The following RANBP17 variants were observed in gnomAD, a reference collection of about 807,000 sequenced individuals.
RANBP17 encodes the protein ran-binding protein 17.
In RANBP17, 158 loss-of-function variants were observed where a neutral mutation model predicts 141.2. That is an observed-to-expected ratio of 1.12 (90% CI 0.98 to 1.28). The LOEUF is 1.28. Ranked by LOEUF, RANBP17 falls within the 50% of genes most tolerant of loss-of-function variation. The pLI, the probability that RANBP17 is intolerant of heterozygous loss-of-function variation, is 0.00. For missense variants in RANBP17, 1,438 were observed against 1,290.7 expected (o/e 1.11, Z -1.75); for synonymous variants, 430 against 450.0 (o/e 0.96, Z 0.56).
chr5:171,194,688 T>G (rs1344623848), intron 18 of RANBP17, among the ~76,000 whole-genome samples: 2 of 152,226 alleles, frequency 1.3e-5, no homozygotes, highest in Non-Finnish European at 2.9e-5. Context: ...ACTTTTTGTG[T>G]GGACAAATAT....
intron 14 of RANBP17, among the ~76,000 whole-genome samples, chr5:171,022,773 G>A (rs1780961165): frequency 6.6e-6 from 1 of 152,198 alleles, no homozygotes; most frequent in African/African-American, 2.4e-5. Flanking sequence ...GAGCTCAAAT[G>A]GCTTAGACAG....
chr5:170,953,812 G>T, intron 13 of RANBP17, 110 bp downstream of exon 13: 1 of 685,564 alleles, frequency 1.5e-6, no homozygotes. Context: ...TTTGAGGAAG[G>T]TATTATTTCC....
chr5:171,221,425 T>C (rs535514137), intron 21 of RANBP17, among the ~76,000 whole-genome samples: 5 of 152,294 alleles, frequency 3.3e-5, no homozygotes, highest in Admixed American at 2.0e-4. Context: ...CTTAGACACC[T>C]GGGGTGTTTT....
intron 12 of RANBP17, among the ~76,000 whole-genome samples, chr5:170,934,809 C>G (rs535339244): frequency 6.6e-6 from 1 of 152,100 alleles, no homozygotes; most frequent in African/African-American, 2.4e-5. Context: ...CAAGGAGTAT[C>G]TTTGTGGCAT....
chr5:171,062,072 T>C (rs1444928661), intron 14 of RANBP17, among the ~76,000 whole-genome samples: 1 of 151,650 alleles, frequency 6.6e-6, no homozygotes, highest in African/African-American at 2.4e-5. Flanking sequence ...TGAGATGGGT[T>C]TCCTGAATAC....
intron 25 of RANBP17, among the ~76,000 whole-genome samples, chr5:171,271,894 T>C (rs1035014982): frequency 1.3e-5 from 2 of 152,130 alleles, no homozygotes; most frequent in African/African-American, 4.8e-5. Flanking sequence ...AAAAATAATA[T>C]TGGCAAAATG....
intron 22 of RANBP17, among the ~76,000 whole-genome samples, chr5:171,227,248 A>G (rs1763935747): frequency 6.6e-6 from 1 of 152,256 alleles, no homozygotes; most frequent in East Asian, 1.9e-4. Context: ...AATGCAAAGG[A>G]AAAGCTCTTG....
chr5:171,154,229 C>G (rs750571984), intron 14 of RANBP17, among the ~76,000 whole-genome samples: 30 of 151,844 alleles, frequency 2.0e-4, no homozygotes, highest in Non-Finnish European at 3.1e-4. Context: ...CCAAGAACTA[C>G]CTGCTATTTC....
intron 2 of RANBP17, among the ~76,000 whole-genome samples, chr5:170,881,486 C>A (rs913226352): frequency 1.3e-5 from 2 of 152,106 alleles, no homozygotes; most frequent in African/African-American, 4.8e-5. Flanking sequence ...AATCAGAGGC[C>A]AGATGATGTA....
chr5:170,961,590 T>C (rs1776151515), intron 13 of RANBP17, among the ~76,000 whole-genome samples: 1 of 152,134 alleles, frequency 6.6e-6, no homozygotes, highest in African/African-American at 2.4e-5. Flanking sequence ...ATCTCAAAGG[T>C]CATGCTTAAA....
At chr5:171,039,525 G>C (rs1027565272) in intron 14 of RANBP17, among the ~76,000 whole-genome samples, 1 of 151,642 alleles carries the variant, frequency 6.6e-6, no homozygotes, top group Admixed American at 6.6e-5. Flanking sequence ...TTTCCTCCCG[G>C]TTTATAGATT....
At chr5:171,109,640 C>A (rs1162813898) in intron 14 of RANBP17, among the ~76,000 whole-genome samples, 2 of 152,094 alleles carry the variant, frequency 1.3e-5, no homozygotes, top group Non-Finnish European at 2.9e-5. Context: ...TTTATAATAA[C>A]TAATACAATG....
intron 14 of RANBP17, among the ~76,000 whole-genome samples, chr5:171,105,194 A>G (rs1406209809): frequency 6.7e-6 from 1 of 150,222 alleles, no homozygotes; most frequent in African/African-American, 2.5e-5. Context: ...CATCCCGGCT[A>G]AAACGGTGAA....
intron 25 of RANBP17, 91 bp downstream of exon 25, chr5:171,265,938 C>A (rs1275263961): frequency 1.7e-6 from 2 of 1,167,524 alleles, no homozygotes; most frequent in Non-Finnish European, 2.4e-6. Flanking sequence ...CTGGTCTTGC[C>A]AAGACTTTTT....
Position 171,241,150 on chromosome 5 carries a change from A to C in RANBP17, c.2637+8A>C. ...TCCCACAGTGACTTGCTAGTAAGCA[A>C]TCATGCATCATGGGAGTGTTTGTAT... On this transcript the variant is annotated splice_region_variant and intron_variant, in intron 23 of 27. Transcript: ENST00000523189. 6.3e-7 allele frequency: 1 copy of C among 1,598,256 alleles called. No homozygotes were observed. Among genetic ancestry groups the C allele is most frequent in the African/African-American group, 1.3e-5 (1 of 74,654 alleles).
chr5:171,148,399 TA>T (rs973506616), intron 14 of RANBP17, among the ~76,000 whole-genome samples: 71 of 151,298 alleles, frequency 4.7e-4, no homozygotes, highest in South Asian at 1.7e-3. Context: ...AAAATAAATT[TA>T]AAAAAAAAAT....
In RANBP17 at chr5:171,299,273, G is replaced by A; in HGVS notation, c.*415G>A. 1 of 242,030 alleles carries A rather than the reference G, an allele frequency of 4.1e-6. No individual in the cohort carries two copies. The highest frequency in any genetic ancestry group is 8.1e-6 in the Non-Finnish European group (1 of 123,070). The allele number at this position is 242,030 out of a possible 1,614,324, so 15.0% of individuals were successfully genotyped here. ...TCCTGGATTGAGACGAATGCCATTG[G>A]AACCTGTTAAATGAGTAGTTTGTTA... On this transcript the variant is annotated 3_prime_UTR_variant, in exon 28 of 28. Transcript: ENST00000523189.
intron 1 of RANBP17, among the ~76,000 whole-genome samples, chr5:170,865,112 G>T (rs148718762): frequency 0.016 from 2,399 of 152,204 alleles, 63 homozygotes; most frequent in African/African-American, 0.055. Flanking sequence ...GCCCAGGCTG[G>T]AGTGCAGTGG....
At chr5:171,042,645 T>G (rs1345106795) in intron 14 of RANBP17, among the ~76,000 whole-genome samples, 8 of 152,212 alleles carry the variant, frequency 5.3e-5, no homozygotes. Context: ...GAATCATCTT[T>G]GGATTAAAAG....
Sources: gnomAD v4.1 joint callset for allele counts (sites outside exome capture counted in the v4.1 genomes callset) on GRCh38, gnomAD v4.1.1 for gene constraint, MANE v1.5 for transcripts, NCBI Gene and HGNC (gene_info 2026-07-23, HGNC 2026-07-21) for gene names.